The following TGFB2 variants were observed in gnomAD, a reference collection of about 807,000 sequenced individuals.
The protein encoded by TGFB2 is transforming growth factor beta-2 proprotein.
In TGFB2, 13 loss-of-function variants were observed where a neutral mutation model predicts 42.7. The observed-to-expected ratio is 0.30, with a 90% CI of 0.20 to 0.48. The LOEUF (loss-of-function observed/expected upper bound fraction) is 0.48. Among genes scored for constraint, TGFB2 ranks in the 20% least tolerant of loss-of-function variants. TGFB2 has a pLI of 0.99. For missense variants in TGFB2, 390 were observed against 517.5 expected (o/e 0.75, Z 2.39); for synonymous variants, 193 against 193.6 (o/e 1.00, Z 0.03).
intron 1 of TGFB2, among the ~76,000 whole-genome samples, chr1:218,393,335 GA>G (rs1460622107): frequency 6.6e-6 from 1 of 152,198 alleles, no homozygotes; most frequent in Non-Finnish European, 1.5e-5. Context: ...ATCCTGCAAA[GA>G]TTTTACCCTT....
chr1:218,372,208 T>A (rs1657596011), intron 1 of TGFB2, among the ~76,000 whole-genome samples: 1 of 152,166 alleles, frequency 6.6e-6, no homozygotes, highest in African/African-American at 2.4e-5. Context: ...ACATCTGTAT[T>A]TCTGAATTGC....
chr1:218,373,348 T>C (rs1340225888), intron 1 of TGFB2, among the ~76,000 whole-genome samples: 2 of 152,052 alleles, frequency 1.3e-5, no homozygotes, highest in African/African-American at 2.4e-5. Flanking sequence ...GTGATGTTGA[T>C]GGTTGGGGCA....
chr1:218,384,405 A>G (rs1299395107), intron 1 of TGFB2, among the ~76,000 whole-genome samples: 1 of 152,262 alleles, frequency 6.6e-6, no homozygotes, highest in Non-Finnish European at 1.5e-5. Context: ...CAGATTATGT[A>G]TAATAAGAGG....
chr1:218,377,596 G>A (rs192686625), intron 1 of TGFB2, among the ~76,000 whole-genome samples: 1 of 152,140 alleles, frequency 6.6e-6, no homozygotes, highest in Non-Finnish European at 1.5e-5. Context: ...TTTTACATTG[G>A]GAGATACTTA....
chr1:218,384,268 G>A (rs1352677330), intron 1 of TGFB2, among the ~76,000 whole-genome samples: 1 of 152,206 alleles, frequency 6.6e-6, no homozygotes, highest in Non-Finnish European at 1.5e-5. Context: ...AGCTATGTAT[G>A]TAGGAATGGA....
chr1:218,352,166 G>A (rs1656889141), intron 1 of TGFB2, among the ~76,000 whole-genome samples: 1 of 123,326 alleles, frequency 8.1e-6, no homozygotes, highest in Non-Finnish European at 1.6e-5. Context: ...TCAGGAGTAA[G>A]GTGAGCAGCC....
At chr1:218,426,347 T>C (rs1659624777) in intron 2 of TGFB2, among the ~76,000 whole-genome samples, 1 of 152,230 alleles carries the variant, frequency 6.6e-6, no homozygotes, top group East Asian at 1.9e-4. Context: ...TTCTTCTGGC[T>C]ATAATTTTGC....
rs781126315 is a variant in TGFB2, at chr1:218,346,755, G to T, written c.54G>T (p.Ala18=). 1.2e-6 allele frequency: 2 copies of T among 1,613,996 alleles called. No homozygotes were observed. The highest frequency in any genetic ancestry group is 1.3e-5 in the African/African-American group (1 of 74,972). ...AFLILHLVTV[A]LSLSTCSTLD... is the part of the protein sequence containing the mutation. ...TGATCCTGCATCTGGTCACGGTCGC[G>T]CTCAGCCTGTCTACCTGCAGCACAC... is the stretch of plus-strand genomic sequence containing the variant. The change falls in exon 1 of 7, where the codon GCG becomes GCT. Residue 18 remains alanine (A), a synonymous_variant. Coordinates refer to ENST00000366930, the MANE Select transcript of TGFB2 (RefSeq NM_003238.6). The surrounding 1 kb of genome is among the most constrained non-coding windows in gnomAD (Gnocchi z 4.9).
At chr1:218,370,822 C>T (rs1210113422) in intron 1 of TGFB2, among the ~76,000 whole-genome samples, 2 of 152,172 alleles carry the variant, frequency 1.3e-5, no homozygotes, top group African/African-American at 4.8e-5. Flanking sequence ...TACCCACATT[C>T]CATTAGCCAA....
chr1:218,410,536 G>T (rs1228737562), intron 2 of TGFB2, among the ~76,000 whole-genome samples: 1 of 152,266 alleles, frequency 6.6e-6, no homozygotes, highest in Middle Eastern at 3.4e-3. Context: ...GCATCTACTG[G>T]TGTGATCAAG....
chr1:218,411,709 A>T (rs1659103272), intron 2 of TGFB2, among the ~76,000 whole-genome samples: 1 of 152,042 alleles, frequency 6.6e-6, no homozygotes, highest in Admixed American at 6.6e-5. Flanking sequence ...TACTAAAAAT[A>T]CAAAAATTAC....
chr1:218,414,723 G>A (rs1376846024), intron 2 of TGFB2, among the ~76,000 whole-genome samples: 3 of 152,152 alleles, frequency 2.0e-5, no homozygotes, highest in Admixed American at 6.5e-5. Context: ...TAGTGAATAT[G>A]CAATAGTAAC....
chr1:218,368,426 C>A (rs987009907), intron 1 of TGFB2, among the ~76,000 whole-genome samples: 3 of 152,186 alleles, frequency 2.0e-5, no homozygotes, highest in Non-Finnish European at 2.9e-5. Flanking sequence ...CATGAGCCAC[C>A]GTGCCCGGCC....
chr1:218,437,389 A>G lies in TGFB2; in HGVS notation c.979A>G (p.Lys327Glu). 6.2e-7 allele frequency: 1 copy of G among 1,612,622 alleles called. No individual in the cohort carries two copies. The highest frequency in any genetic ancestry group is 8.5e-7 in the Non-Finnish European group (1 of 1,179,594). ...CCTACGTCCACTTTACATTGATTTC[A>G]AGAGGGATCTAGGGTGGAAATGGAT... ...CCLRPLYIDF[K>E]RDLGWKWIHE... The change falls in exon 6 of 7, where the codon AAG becomes GAG. Residue 327 changes from lysine to glutamate, a missense_variant. Physicochemically the swap from Lys to Glu is moderately conservative, Grantham distance 56. Transcript: ENST00000366930.
At chr1:218,436,397 C>A (rs1283072094) in intron 5 of TGFB2, among the ~76,000 whole-genome samples, 1 of 152,128 alleles carries the variant, frequency 6.6e-6, no homozygotes, top group East Asian at 1.9e-4. Context: ...CTCTGAAGTT[C>A]TTTGGTGCTG....
At chr1:218,416,665 G>A (rs1018393623) in intron 2 of TGFB2, among the ~76,000 whole-genome samples, 3 of 152,184 alleles carry the variant, frequency 2.0e-5, no homozygotes, top group African/African-American at 7.2e-5. Context: ...CTGGGCCATG[G>A]CAGTGGCCTC....
chr1:218,356,890 G>T (rs1230820479), intron 1 of TGFB2, among the ~76,000 whole-genome samples: 2 of 152,202 alleles, frequency 1.3e-5, no homozygotes, highest in East Asian at 1.9e-4. Flanking sequence ...GGCGGCTTTA[G>T]CAATAGTATG....
chr1:218,405,152 G>A lies in TGFB2; in HGVS notation c.347-17G>A, dbSNP rs763768708. The A allele has an allele frequency of 6.4e-7, 1 of 1,557,918 alleles. No homozygotes were observed. The highest frequency in any genetic ancestry group is 8.7e-7 in the Non-Finnish European group (1 of 1,150,178). Reference sequence around the variant, plus strand: ...ATGGATTTTATCATTTTCAATGATTGCCCTAATTTTTTACAGATGCCATCC... The same window carrying A: ...ATGGATTTTATCATTTTCAATGATTACCCTAATTTTTTACAGATGCCATCC... On this transcript the variant is annotated splice_polypyrimidine_tract_variant and intron_variant, in intron 1 of 6. Transcript: ENST00000366930.
At chr1:218,362,547 T>C (rs541724835) in intron 1 of TGFB2, among the ~76,000 whole-genome samples, 4 of 152,362 alleles carry the variant, frequency 2.6e-5, no homozygotes, top group Non-Finnish European at 4.4e-5. Context: ...GGGGTTTGAA[T>C]TAACATCTTC....
Sources: allele counts gnomAD v4.1 joint callset (sites outside exome capture counted in the v4.1 genomes callset), GRCh38; gene constraint gnomAD v4.1.1; non-coding constraint Gnocchi (gnomAD v3.1); transcripts MANE v1.5; gene names NCBI Gene and HGNC (gene_info 2026-07-23, HGNC 2026-07-21).